The following ACO2 variants were observed in gnomAD, a reference collection of about 807,000 sequenced individuals.
ACO2 encodes the protein aconitate hydratase, mitochondrial.
In ACO2, 31 loss-of-function variants were observed where a neutral mutation model predicts 84.5. The observed-to-expected ratio is 0.37, with a 90% CI of 0.28 to 0.50. ACO2 has a LOEUF of 0.50. Ranked by LOEUF, ACO2 falls within the 20% of genes least tolerant of loss-of-function variation. The pLI is 0.97. For missense variants in ACO2, 685 were observed against 1,029.3 expected (o/e 0.67, Z 4.58); for synonymous variants, 414 against 412.7 (o/e 1.00, Z -0.04).
At chr22:41,526,147 C>T (rs2066590151) in intron 14 of ACO2, 115 bp from the exon 15 acceptor site, 3 of 876,738 alleles carry the variant, frequency 3.4e-6, no homozygotes, top group Non-Finnish European at 5.3e-6. Context: ...GCCTGCCTCT[C>T]ACCCCTCTGT....
intron 2 of ACO2, among the ~76,000 whole-genome samples, chr22:41,503,678 G>A (rs770876747): frequency 4.3e-4 from 66 of 152,034 alleles, no homozygotes; most frequent in Admixed American, 2.0e-4. Context: ...CAAGGTGGGG[G>A]GTGGTCAGTT....
In ACO2 at chr22:41,526,467, G is replaced by C. The variant is rs1056554122; in HGVS notation, c.1953+14G>C. 1 of 1,606,066 alleles carries C rather than the reference G, an allele frequency of 6.2e-7. No homozygotes were observed. Among genetic ancestry groups the C allele is most frequent in the South Asian group, 1.1e-5 (1 of 90,454 alleles). On this transcript the variant is annotated intron_variant, in intron 15 of 17. Transcript: ENST00000216254. ...CGCTACTACAAGGTGGGTCAGAGTT[G>C]ATAGGGGCAATGCCAGTGGTCACTC...
intron 1 of ACO2, 118 bp downstream of exon 1, chr22:41,469,300 G>A: frequency 7.8e-7 from 1 of 1,277,240 alleles, no homozygotes; most frequent in Non-Finnish European, 1.1e-6. Flanking sequence ...TCGTGTACCT[G>A]TCCCGGTTGT....
At chr22:41,470,856 T>C (rs943820495) in intron 1 of ACO2, among the ~76,000 whole-genome samples, 4 of 152,196 alleles carry the variant, frequency 2.6e-5, no homozygotes, top group African/African-American at 9.6e-5. Context: ...TCACGTCTTT[T>C]GATTCTCTAG....
chr22:41,497,081 T>C (rs561577178), intron 1 of ACO2, among the ~76,000 whole-genome samples: 1 of 151,972 alleles, frequency 6.6e-6, no homozygotes, highest in Admixed American at 6.6e-5. Flanking sequence ...TTTTCTTTTT[T>C]TTTTCGAGAC....
At chr22:41,501,477 C>T (rs1172877999) in intron 2 of ACO2, among the ~76,000 whole-genome samples, 1 of 152,188 alleles carries the variant, frequency 6.6e-6, no homozygotes. Flanking sequence ...TGCACACCAG[C>T]CTGCACTGCC....
intron 2 of ACO2, among the ~76,000 whole-genome samples, chr22:41,503,961 C>T (rs868349404): frequency 6.6e-6 from 1 of 152,214 alleles, no homozygotes; most frequent in African/African-American, 2.4e-5. Context: ...CGCCTGTAAT[C>T]CCGGCACTTT....
chr22:41,517,439 T>TGGTGTGAAGATGCAGGTGGCCGCGTAGCA, intron 6 of ACO2, 88 bp from the exon 7 acceptor site: 1 of 1,001,990 alleles, frequency 1.0e-6, no homozygotes, highest in Non-Finnish European at 1.5e-6. Context: ...TGCAGCTCCC[T>TGGTGTGAAGATGCAGGTGGCCGCGTAGCA]GGTGTGAAGA....
chr22:41,518,392 G>A, intron 7 of ACO2, 89 bp from the exon 8 acceptor site: 1 of 991,890 alleles, frequency 1.0e-6, no homozygotes, highest in South Asian at 1.4e-5. Context: ...TGGGCCTGGT[G>A]TTTGGCAGGT....
At chr22:41,514,561 C>A (rs2066461201) in intron 4 of ACO2, among the ~76,000 whole-genome samples, 1 of 152,184 alleles carries the variant, frequency 6.6e-6, no homozygotes, top group Non-Finnish European at 1.5e-5. Flanking sequence ...CAGGGCTTGC[C>A]AAGCAGTGTC....
intron 4 of ACO2, among the ~76,000 whole-genome samples, chr22:41,513,205 G>A (rs77911408): frequency 0.012 from 1,763 of 152,310 alleles, 36 homozygotes; most frequent in African/African-American, 0.041. Flanking sequence ...CTGCAATGCA[G>A]GTGTCTCCCT....
At chr22:41,507,605 A>G (rs1411365659) in intron 2 of ACO2, among the ~76,000 whole-genome samples, 186 bp from the exon 3 acceptor site, 4 of 152,142 alleles carry the variant, frequency 2.6e-5, no homozygotes, top group African/African-American at 9.7e-5. Context: ...GTGCTGCAGG[A>G]GGTGAGGAGG....
At chr22:41,495,672 G>C (rs1213752964) in intron 1 of ACO2, among the ~76,000 whole-genome samples, 1 of 150,382 alleles carries the variant, frequency 6.6e-6, no homozygotes, top group African/African-American at 2.4e-5. Context: ...CCAGGCTGGA[G>C]TGCAGTGATG....
chr22:41,480,616 G>A (rs2038075505), intron 1 of ACO2, among the ~76,000 whole-genome samples: 2 of 152,096 alleles, frequency 1.3e-5, no homozygotes, highest in Admixed American at 6.6e-5. Flanking sequence ...AGCAGCTTAC[G>A]TTTATTGAAT....
chr22:41,485,244 C>T (rs1272500960), intron 1 of ACO2, among the ~76,000 whole-genome samples: 8 of 151,696 alleles, frequency 5.3e-5, no homozygotes, highest in Non-Finnish European at 1.0e-4. Context: ...TTTAGGACAG[C>T]GAGCCACACC....
chr22:41,522,550 G>A (rs1408229395), intron 9 of ACO2, among the ~76,000 whole-genome samples: 1 of 152,188 alleles, frequency 6.6e-6, no homozygotes, highest in African/African-American at 2.4e-5. Context: ...GTGCCTACAC[G>A]TGTACATGAT....
At chr22:41,522,192 T>G (rs2066532271) in intron 9 of ACO2, among the ~76,000 whole-genome samples, 1 of 152,118 alleles carries the variant, frequency 6.6e-6, no homozygotes, top group South Asian at 2.1e-4. Context: ...ATTAGCCAGG[T>G]GTGGTGGTAC....
chr22:41,507,738 G>A, intron 2 of ACO2, 53 bp from the exon 3 acceptor site: 1 of 1,574,588 alleles, frequency 6.4e-7, no homozygotes, highest in Non-Finnish European at 8.6e-7. Context: ...AGGCAGGGCG[G>A]GAGGAGGCCG....
intron 1 of ACO2, among the ~76,000 whole-genome samples, chr22:41,480,719 G>T (rs927217362): frequency 9.2e-5 from 14 of 152,040 alleles, no homozygotes; most frequent in African/African-American, 3.4e-4. Context: ...TCTTCTCCCC[G>T]TCCCAGTCCC....
Sources: allele counts gnomAD v4.1 joint callset (sites outside exome capture counted in the v4.1 genomes callset), GRCh38; gene constraint gnomAD v4.1.1; transcripts MANE v1.5; gene names NCBI Gene and HGNC (gene_info 2026-07-23, HGNC 2026-07-21).